Variants in NAT1 observed in about 807,000 individuals in gnomAD.
The protein encoded by NAT1 is arylamine N-acetyltransferase 1.
For missense variants in NAT1, 400 were observed against 339.2 expected, an observed-to-expected ratio of 1.18 and a Z score of -1.41; for synonymous variants, 144 against 122.6, an observed-to-expected ratio of 1.17 and a Z score of -1.16.
intron 2 of NAT1, among the ~76,000 whole-genome samples, chr8:18,181,734 T>C (rs1390438293): frequency 6.6e-6 from 1 of 152,198 alleles, no homozygotes; most frequent in African/African-American, 2.4e-5. Context: ...GCCTTTATTG[T>C]TGTGAGATAT....
intron 1 of NAT1, chr8:18,216,963 C>A: frequency 6.4e-7 from 1 of 1,551,108 alleles, no homozygotes; most frequent in Non-Finnish European, 8.7e-7. Context: ...CTATAATAGC[C>A]TACCGGTCTC....
At chr8:18,190,853 G>C (rs1300074350) in intron 2 of NAT1, among the ~76,000 whole-genome samples, 1 of 152,090 alleles carries the variant, frequency 6.6e-6, no homozygotes, top group Non-Finnish European at 1.5e-5. Context: ...GATAACCTGA[G>C]ATCAGGAGTT....
intron 2 of NAT1, among the ~76,000 whole-genome samples, chr8:18,188,994 CAAAAA>C (rs55636901): frequency 7.2e-5 from 6 of 83,118 alleles, no homozygotes; most frequent in Admixed American, 1.7e-4. Flanking sequence ...GACTCCGACT[CAAAAA>C]AAAAAAAAAA....
chr8:18,182,832 A>C (rs1802572886), intron 2 of NAT1, among the ~76,000 whole-genome samples: 1 of 152,176 alleles, frequency 6.6e-6, no homozygotes, highest in Non-Finnish European at 1.5e-5. Flanking sequence ...CTTAGGAATA[A>C]ATTACATGTT....
chr8:18,187,112 T>A (rs1479684149), intron 2 of NAT1, among the ~76,000 whole-genome samples: 2 of 152,084 alleles, frequency 1.3e-5, no homozygotes, highest in African/African-American at 2.4e-5. Context: ...GGTGTAAATA[T>A]AAGAATAAAC....
intron 1 of NAT1, among the ~76,000 whole-genome samples, chr8:18,210,456 C>A (rs1275330646): frequency 6.6e-6 from 1 of 152,140 alleles, no homozygotes; most frequent in South Asian, 2.1e-4. Flanking sequence ...AACTCAGTTT[C>A]TTTTTCAGTA....
intron 1 of NAT1, 57 bp downstream of exon 1, chr8:18,210,237 G>A (rs968032622): frequency 1.6e-4 from 24 of 152,110 alleles, no homozygotes; most frequent in Admixed American, 1.4e-3. Flanking sequence ...TCTCAACTGT[G>A]AGTACAGGAG....
At chr8:18,177,123 G>T (rs1217736180) in intron 2 of NAT1, among the ~76,000 whole-genome samples, 2 of 151,826 alleles carry the variant, frequency 1.3e-5, no homozygotes, top group African/African-American at 4.8e-5. Flanking sequence ...AATCTTTAGG[G>T]TTTTGTATAT....
chr8:18,216,557 A>C (rs947827534), intron 1 of NAT1, among the ~76,000 whole-genome samples: 12 of 151,926 alleles, frequency 7.9e-5, no homozygotes, highest in Non-Finnish European at 1.3e-4. Context: ...CTTCAATAAG[A>C]CCCATCTGTA....
upstream of NAT1, among the ~76,000 whole-genome samples, chr8:18,207,123 T>C (rs551830101): frequency 2.0e-5 from 3 of 152,300 alleles, no homozygotes; most frequent in African/African-American, 7.2e-5. Flanking sequence ...ATTTATTAAA[T>C]AGGGAATTAT....
chr8:18,173,917 G>A (rs1802192019), intron 2 of NAT1, among the ~76,000 whole-genome samples: 1 of 147,830 alleles, frequency 6.8e-6, no homozygotes, highest in South Asian at 2.2e-4. Context: ...TTACTTAAAG[G>A]AGTGAATAGA....
chr8:18,191,320 G>A (rs1330381810), intron 2 of NAT1, among the ~76,000 whole-genome samples: 1 of 152,048 alleles, frequency 6.6e-6, no homozygotes, highest in Non-Finnish European at 1.5e-5. Context: ...TCACTTAGTG[G>A]TGTTTTTAGT....
At chr8:18,204,043 A>G (rs1012672396) in intron 2 of NAT1, among the ~76,000 whole-genome samples, 1 of 152,104 alleles carries the variant, frequency 6.6e-6, no homozygotes, top group African/African-American at 2.4e-5. Context: ...CGCACGCACT[A>G]TGTAGACGTC....
intron 2 of NAT1, among the ~76,000 whole-genome samples, chr8:18,194,163 G>C (rs1426292543): frequency 1.3e-5 from 2 of 152,130 alleles, no homozygotes; most frequent in Non-Finnish European, 2.9e-5. Flanking sequence ...AGGTGGGGGA[G>C]TGCCGACCCA....
chr8:18,175,212 G>A (rs1359522730), intron 2 of NAT1, among the ~76,000 whole-genome samples: 3 of 151,430 alleles, frequency 2.0e-5, no homozygotes, highest in African/African-American at 7.3e-5. Flanking sequence ...TTTTTTTGGT[G>A]TGATGAGAAT....
chr8:18,180,902 C>T (rs1330525878), intron 2 of NAT1, among the ~76,000 whole-genome samples: 1 of 152,114 alleles, frequency 6.6e-6, no homozygotes, highest in Non-Finnish European at 1.5e-5. Context: ...GCTTTGGTTG[C>T]TATAGCTTTA....
At chr8:18,199,293 G>A (rs565264869) in intron 2 of NAT1, among the ~76,000 whole-genome samples, 20 of 132,386 alleles carry the variant, frequency 1.5e-4, no homozygotes, top group Non-Finnish European at 3.0e-4. Flanking sequence ...CAGCCTGGGC[G>A]ACAAAACAAG....
intron 2 of NAT1, among the ~76,000 whole-genome samples, chr8:18,191,001 G>A (rs1300987693): frequency 6.6e-6 from 1 of 151,548 alleles, no homozygotes; most frequent in Non-Finnish European, 1.5e-5. Context: ...AGGAGGCAGA[G>A]TCTGCAGTGA....
chr8:18,196,822 CAAT>C (rs1318458365), intron 2 of NAT1, among the ~76,000 whole-genome samples: 1 of 152,104 alleles, frequency 6.6e-6, no homozygotes, highest in Non-Finnish European at 1.5e-5. Flanking sequence ...ACAGAAAAAT[CAAT>C]AATAATAAAA....
Sources: allele counts gnomAD v4.1 joint callset (sites outside exome capture counted in the v4.1 genomes callset), GRCh38; gene constraint gnomAD v4.1.1; transcripts MANE v1.5; gene names NCBI Gene and HGNC (gene_info 2026-07-23, HGNC 2026-07-21).